Variants in WWOX observed in about 807,000 individuals in gnomAD.
WWOX encodes the protein WW domain containing oxidoreductase, also known as WW domain-containing oxidoreductase.
Under a neutral mutation model 46.2 loss-of-function variants are expected in WWOX, and 69 were observed. That is an observed-to-expected ratio of 1.49 (90% CI 1.23 to 1.82). The LOEUF is 1.82. WWOX is among the 40% of genes most tolerant of loss of function. The probability of loss-of-function intolerance (pLI) is 0.00; values close to 1 mark genes in which losing one functional copy is unlikely to be tolerated. For missense variants in WWOX, 919 were observed against 542.6 expected, an observed-to-expected ratio of 1.69 and a Z score of -6.89; for synonymous variants, 359 against 202.6, an observed-to-expected ratio of 1.77 and a Z score of -6.56.
At position 78,969,045 on chromosome 16, in the gene WWOX, A is replaced by T. The variant is rs1219127846; in HGVS notation, c.1057-242563A>T. On this transcript the variant is annotated intron_variant, in intron 8 of 8. Transcript: ENST00000566780. ...GGGAGTGGCTCAGCTACCAGGCTCCAGTGGCCCTTGTCTTGTTATTTCCTC... is the reference window on the plus strand; with the variant it reads ...GGGAGTGGCTCAGCTACCAGGCTCCTGTGGCCCTTGTCTTGTTATTTCCTC... 2.6e-5 allele frequency among the ~76,000 whole-genome samples: 4 copies of T among 152,108 alleles called. No homozygotes were observed. In the East Asian group the frequency reaches 7.7e-4, roughly 29 times the overall value.
intron 8 of WWOX, among the ~76,000 whole-genome samples, chr16:78,894,173 G>C (rs2044651942): frequency 6.6e-6 from 1 of 151,932 alleles, no homozygotes; most frequent in Admixed American, 6.6e-5. Flanking sequence ...TGAATAGCTG[G>C]AGCTACAGGC....
intron 8 of WWOX, among the ~76,000 whole-genome samples, chr16:78,646,452 A>T (rs1055881663): frequency 6.6e-6 from 1 of 151,956 alleles, no homozygotes; most frequent in Middle Eastern, 3.4e-3. Context: ...TTTTGAGACA[A>T]AGTTTCACTC....
intron 8 of WWOX, among the ~76,000 whole-genome samples, chr16:78,626,636 C>T (rs1425155792): frequency 1.3e-5 from 2 of 152,134 alleles, no homozygotes; most frequent in Non-Finnish European, 2.9e-5. Context: ...CTTAGTCTTT[C>T]CCTCTACTTT....
intron 8 of WWOX, among the ~76,000 whole-genome samples, chr16:79,007,312 G>C (rs556069200): frequency 6.6e-6 from 1 of 152,282 alleles, no homozygotes; most frequent in South Asian, 2.1e-4. Context: ...GGGCCCCTGA[G>C]AAACTCTAAA....
At chr16:79,046,833 G>A (rs1434585648) in intron 8 of WWOX, among the ~76,000 whole-genome samples, 2 of 152,108 alleles carry the variant, frequency 1.3e-5, no homozygotes, top group Non-Finnish European at 2.9e-5. Context: ...GTCTCTTTGT[G>A]TCCAACTCTT....
chr16:78,661,457 C>T (rs1021940156), intron 8 of WWOX, among the ~76,000 whole-genome samples: 2 of 152,098 alleles, frequency 1.3e-5, no homozygotes, highest in African/African-American at 4.8e-5. Context: ...ACTTTATCTG[C>T]TTAATACAAA....
At chr16:78,834,374 C>T (rs76180105) in intron 8 of WWOX, among the ~76,000 whole-genome samples, 3,847 of 152,170 alleles carry the variant, frequency 0.025, 159 homozygotes, top group African/African-American at 0.087. Flanking sequence ...GATTGTCGTG[C>T]GTGTGTCTCA....
At chr16:79,176,161 C>T (rs1481548689) in intron 8 of WWOX, among the ~76,000 whole-genome samples, 1 of 152,140 alleles carries the variant, frequency 6.6e-6, no homozygotes, top group Non-Finnish European at 1.5e-5. Context: ...AAGAAATAGC[C>T]CCCAAAATGC....
intron 8 of WWOX, among the ~76,000 whole-genome samples, chr16:78,994,184 C>G (rs761385612): frequency 6.6e-6 from 1 of 152,180 alleles, no homozygotes; most frequent in South Asian, 2.1e-4. Context: ...CACATCGATT[C>G]TCTCCTTATA....
chr16:78,930,616 A>G (rs2045603763), intron 8 of WWOX, among the ~76,000 whole-genome samples: 1 of 150,044 alleles, frequency 6.7e-6, no homozygotes, highest in Non-Finnish European at 1.5e-5. Context: ...TTTTTTAAAC[A>G]AACTTCACTC....
intron 8 of WWOX, among the ~76,000 whole-genome samples, chr16:78,464,059 G>C (rs1036689603): frequency 2.6e-5 from 4 of 152,156 alleles, no homozygotes; most frequent in Non-Finnish European, 5.9e-5. Context: ...AAGCTGATCA[G>C]AGCACACCCA....
chr16:78,414,834 A>C (rs2082763521), intron 6 of WWOX, among the ~76,000 whole-genome samples: 1 of 152,138 alleles, frequency 6.6e-6, no homozygotes, highest in African/African-American at 2.4e-5. Context: ...AGCTTGGCCC[A>C]TGCCCAGGAA....
Position 79,189,423 on chromosome 16 carries a change from TTGTGTGTGTG to T in WWOX, c.1057-22139_1057-22130del, listed in dbSNP as rs4035319. 7.6e-3 allele frequency among the ~76,000 whole-genome samples: 873 copies of T among 114,950 alleles called. 3 individuals carry two copies. Among genetic ancestry groups the T allele is most frequent in the African/African-American group, 0.019 (573 of 29,610 alleles). 75.4% of individuals were successfully genotyped at this position (114,950 alleles called of 152,430 possible). On this transcript the variant is annotated intron_variant, in intron 8 of 8. Transcript: ENST00000566780. ...CAGGCATGCACCACCACTCCCAGCT[TTGTGTGTGTG>T]TGTGTGTGTGTGTGTGTGTGTGTGT... is the stretch of plus-strand genomic sequence containing the variant.
chr16:78,366,776 T>C (rs1000244198), intron 5 of WWOX, among the ~76,000 whole-genome samples: 5 of 152,150 alleles, frequency 3.3e-5, no homozygotes, highest in Non-Finnish European at 7.3e-5. Context: ...GGATTCGTGG[T>C]CATTTGGAAA....
chr16:78,600,794 C>G (rs1242285358), intron 8 of WWOX, among the ~76,000 whole-genome samples: 2 of 152,164 alleles, frequency 1.3e-5, no homozygotes, highest in Non-Finnish European at 2.9e-5. Flanking sequence ...CTTGGGAGTG[C>G]TCAACCCTTT....
At chr16:78,106,932 T>C (rs575680809) in intron 1 of WWOX, among the ~76,000 whole-genome samples, 48 of 152,318 alleles carry the variant, frequency 3.2e-4, no homozygotes, top group African/African-American at 1.2e-3. Flanking sequence ...GCTCAGGTCT[T>C]CAGCGTGCTG....
intron 8 of WWOX, among the ~76,000 whole-genome samples, chr16:78,731,147 C>G (rs1022503542): frequency 2.0e-5 from 3 of 152,026 alleles, no homozygotes; most frequent in African/African-American, 4.8e-5. Context: ...GCTGTGTAAG[C>G]CAAGGAGTTC....
At chr16:78,855,307 T>G (rs1235334846) in intron 8 of WWOX, among the ~76,000 whole-genome samples, 2 of 152,196 alleles carry the variant, frequency 1.3e-5, no homozygotes, top group East Asian at 3.9e-4. Context: ...GAAATTAGCT[T>G]ACTGAATGTT....
At chr16:78,856,449 C>G (rs111880854) in intron 8 of WWOX, among the ~76,000 whole-genome samples, 4 of 152,148 alleles carry the variant, frequency 2.6e-5, no homozygotes, top group African/African-American at 9.7e-5. Flanking sequence ...TCGAGACCAG[C>G]CTGGCCAACA....
Sources: allele counts gnomAD v4.1 joint callset (sites outside exome capture counted in the v4.1 genomes callset), GRCh38; gene constraint gnomAD v4.1.1; transcripts MANE v1.5; gene names NCBI Gene and HGNC (gene_info 2026-07-23, HGNC 2026-07-21).